ZFPM2: variants seen among roughly 807,000 people sequenced by gnomAD.
The protein encoded by ZFPM2 is zinc finger protein ZFPM2.
A neutral mutation model predicts 98.6 loss-of-function variants in ZFPM2; 20 were observed. The ratio of observed to expected loss-of-function variants is 0.20; its 90% confidence interval spans 0.14 to 0.29. The LOEUF (loss-of-function observed/expected upper bound fraction) is 0.29. Among genes scored for constraint, ZFPM2 ranks in the 10% least tolerant of loss-of-function variants. ZFPM2 has a pLI of 1.00. For synonymous variants in ZFPM2, 518 were observed against 502.7 expected (o/e 1.03, Z -0.41); for missense variants, 1,310 against 1,388.6 (o/e 0.94, Z 0.90).
chr8:105,610,451 C>T (rs775798267), intron 4 of ZFPM2, among the ~76,000 whole-genome samples: 23 of 152,010 alleles, frequency 1.5e-4, no homozygotes, highest in Non-Finnish European at 2.9e-4. Context: ...AACATCTTTA[C>T]CTTTAACTTT....
chr8:105,524,632 G>A (rs563285568), intron 3 of ZFPM2, among the ~76,000 whole-genome samples: 8 of 152,200 alleles, frequency 5.3e-5, no homozygotes, highest in South Asian at 2.1e-4. Flanking sequence ...CCTTTGGTGC[G>A]GAACAGGATT....
At chr8:105,526,987 C>G (rs1814186969) in intron 3 of ZFPM2, among the ~76,000 whole-genome samples, 1 of 152,040 alleles carries the variant, frequency 6.6e-6, no homozygotes, top group Non-Finnish European at 1.5e-5. Flanking sequence ...CTTCACCTTC[C>G]CAGTAGTAAT....
intron 3 of ZFPM2, among the ~76,000 whole-genome samples, chr8:105,542,075 CA>C (rs1814585778): frequency 6.6e-6 from 1 of 151,812 alleles, no homozygotes; most frequent in Non-Finnish European, 1.5e-5. Flanking sequence ...AACCAGAATC[CA>C]AAGAGGGAAT....
chr8:105,414,089 G>A (rs1586354921), intron 1 of ZFPM2, among the ~76,000 whole-genome samples: 1 of 152,064 alleles, frequency 6.6e-6, no homozygotes, highest in Non-Finnish European at 1.5e-5. Context: ...GCAGCTTCTA[G>A]AATGCTTAGA....
intron 1 of ZFPM2, among the ~76,000 whole-genome samples, chr8:105,393,386 C>CCTTTA (rs1811157063): frequency 7.1e-6 from 1 of 140,722 alleles, no homozygotes; most frequent in South Asian, 2.2e-4. Context: ...TTCTTTCTTT[C>CCTTTA]TTTCTTCTTC....
At chr8:105,575,599 G>A (rs1294641442) in intron 4 of ZFPM2, among the ~76,000 whole-genome samples, 1 of 152,128 alleles carries the variant, frequency 6.6e-6, no homozygotes, top group African/African-American at 2.4e-5. Context: ...TGTCATAGGG[G>A]CATAGGTTCA....
chr8:105,446,370 T>A (rs1423911679), intron 3 of ZFPM2, among the ~76,000 whole-genome samples: 1 of 152,178 alleles, frequency 6.6e-6, no homozygotes, highest in East Asian at 1.9e-4. Flanking sequence ...AGGGAGTAGG[T>A]TTTTATCTTT....
intron 1 of ZFPM2, among the ~76,000 whole-genome samples, chr8:105,359,519 C>T (rs1812816495): frequency 6.6e-6 from 1 of 151,992 alleles, no homozygotes; most frequent in Admixed American, 6.6e-5. Flanking sequence ...GGACTACAGG[C>T]ACGTGCCACC....
chr8:105,456,028 T>C (rs1274685091), intron 3 of ZFPM2, among the ~76,000 whole-genome samples: 2 of 152,008 alleles, frequency 1.3e-5, no homozygotes, highest in Non-Finnish European at 2.9e-5. Context: ...AACAAACCTC[T>C]ATCCCCTAGA....
At chr8:105,675,789 T>G (rs1810442419) in intron 5 of ZFPM2, 1 of 152,208 alleles carries the variant, frequency 6.6e-6, no homozygotes, top group African/African-American at 2.4e-5. Flanking sequence ...AATTTCCATT[T>G]ATTAAGCTTA....
intron 3 of ZFPM2, among the ~76,000 whole-genome samples, chr8:105,480,306 C>T (rs1430602550): frequency 6.6e-6 from 1 of 152,202 alleles, no homozygotes. Context: ...CCACTTCTTT[C>T]TTCCTTTCAG....
At chr8:105,560,866 G>GA in intron 3 of ZFPM2, among the ~76,000 whole-genome samples, 1 of 152,150 alleles carries the variant, frequency 6.6e-6, no homozygotes, top group African/African-American at 2.4e-5. Context: ...TTTTTTATTT[G>GA]AAAAACATGC....
intron 1 of ZFPM2, among the ~76,000 whole-genome samples, chr8:105,391,015 C>G (rs993839866): frequency 2.6e-5 from 4 of 152,114 alleles, no homozygotes; most frequent in East Asian, 3.9e-4. Flanking sequence ...TACTGAGAGT[C>G]AAGACTCCAT....
chr8:105,768,968 C>T (rs372208230), intron 5 of ZFPM2, among the ~76,000 whole-genome samples: 1 of 151,928 alleles, frequency 6.6e-6, no homozygotes, highest in Non-Finnish European at 1.5e-5. Flanking sequence ...TAAATACTTA[C>T]AATCTCATGA....
At chr8:105,746,557 C>T (rs542100661) in intron 5 of ZFPM2, among the ~76,000 whole-genome samples, 4 of 151,466 alleles carry the variant, frequency 2.6e-5, no homozygotes, top group East Asian at 1.9e-4. Context: ...TATAAATATA[C>T]GTGACAATAA....
intron 5 of ZFPM2, among the ~76,000 whole-genome samples, chr8:105,721,946 C>T (rs1219062367): frequency 1.3e-5 from 2 of 151,828 alleles, no homozygotes; most frequent in Non-Finnish European, 2.9e-5. Context: ...ATGTAAAATA[C>T]ACACCACATT....
rs1039384154 is a variant in ZFPM2, at chr8:105,361,942, A to G, written c.40+42961A>G. On this transcript the variant is annotated intron_variant, in intron 1 of 7. Transcript: ENST00000407775. ...CGTACAGGTTTTTAGCCTAAGAACA[A>G]CAGGCTGTAACATGCAGCCTGGGCA... 2.0e-5 allele frequency among the ~76,000 whole-genome samples: 3 copies of G among 152,128 alleles called. 1 individual carries two copies. Among genetic ancestry groups the G allele is most frequent in the African/African-American group, 4.8e-5 (2 of 41,386 alleles).
intron 5 of ZFPM2, among the ~76,000 whole-genome samples, chr8:105,674,101 A>G (rs1373845391): frequency 6.6e-6 from 1 of 152,214 alleles, no homozygotes; most frequent in African/African-American, 2.4e-5. Flanking sequence ...TATGTAGCAG[A>G]TTATTATTAC....
At chr8:105,611,996 G>A in intron 4 of ZFPM2, among the ~76,000 whole-genome samples, 1 of 152,046 alleles carries the variant, frequency 6.6e-6, no homozygotes, top group East Asian at 1.9e-4. Context: ...ACCACGCCCA[G>A]TCTGACCCTT....
Sources: gnomAD v4.1 joint callset for allele counts (sites outside exome capture counted in the v4.1 genomes callset) on GRCh38, gnomAD v4.1.1 for gene constraint, MANE v1.5 for transcripts, NCBI Gene and HGNC (gene_info 2026-07-23, HGNC 2026-07-21) for gene names.